PPP2R2A: variants seen among roughly 807,000 people sequenced by gnomAD.
PPP2R2A encodes protein phosphatase 2 regulatory subunit Balpha.
A neutral mutation model predicts 53.2 loss-of-function variants in PPP2R2A; 9 were observed. The ratio of observed to expected loss-of-function variants is 0.17; its 90% CI spans 0.10 to 0.30. The LOEUF (loss-of-function observed/expected upper bound fraction) is 0.30, where lower values mean the gene tolerates loss of function less well. PPP2R2A is among the 10% of genes least tolerant of loss of function. The pLI is 1.00. For synonymous variants in PPP2R2A, 169 were observed against 174.2 expected (o/e 0.97, Z 0.23); for missense variants, 235 against 534.6 (o/e 0.44, Z 5.53).
intron 7 of PPP2R2A, 110 bp from the exon 8 acceptor site, chr8:26,363,611 C>A: frequency 1.1e-6 from 1 of 926,296 alleles, no homozygotes; most frequent in Non-Finnish European, 1.5e-6. Context: ...ATTAGCCTGG[C>A]ATTTTACCTC....
intron 2 of PPP2R2A, among the ~76,000 whole-genome samples, chr8:26,316,615 T>C (rs193277239): frequency 1.3e-5 from 2 of 152,324 alleles, no homozygotes; most frequent in South Asian, 2.1e-4. Flanking sequence ...TAGTACAGAC[T>C]GGGTGGCTTA....
At chr8:26,313,282 G>C (rs746145413) in intron 2 of PPP2R2A, among the ~76,000 whole-genome samples, 5 of 152,070 alleles carry the variant, frequency 3.3e-5, no homozygotes, top group Admixed American at 6.6e-5. Context: ...TGGTTTGCCT[G>C]CCTTGGCCTC....
At chr8:26,306,007 A>G (rs902712903) in intron 2 of PPP2R2A, among the ~76,000 whole-genome samples, 1 of 152,140 alleles carries the variant, frequency 6.6e-6, no homozygotes, top group African/African-American at 2.4e-5. Context: ...ACAAGCTACC[A>G]TACAGAATTA....
In PPP2R2A at chr8:26,358,770, G is replaced by T. The variant is rs1222814228; in HGVS notation, c.347-1399G>T. 1.2e-5 allele frequency: 3 copies of T among 255,444 alleles called. No individual in the cohort carries two copies. The East Asian group carries it at 2.7e-4, about 23-fold the overall frequency. 15.8% of individuals were successfully genotyped at this position (255,444 alleles called of 1,614,324 possible). ...AATTGTAACAGTTTTAAATCAACATGCATGAGCCTATAGTGATACAAATAA... is the reference window on the plus strand; with the variant it reads ...AATTGTAACAGTTTTAAATCAACATTCATGAGCCTATAGTGATACAAATAA... On this transcript the variant is annotated intron_variant, in intron 4 of 9. Coordinates refer to ENST00000380737, the MANE Select transcript of PPP2R2A (RefSeq NM_002717.4).
At chr8:26,367,032 A>G (rs1805411968) in intron 9 of PPP2R2A, among the ~76,000 whole-genome samples, 1 of 152,220 alleles carries the variant, frequency 6.6e-6, no homozygotes, top group African/African-American at 2.4e-5. Context: ...TAGAACAGAA[A>G]GTAGTAAAAC....
At chr8:26,347,308 GC>G (rs1280538969) in intron 3 of PPP2R2A, among the ~76,000 whole-genome samples, 1 of 151,898 alleles carries the variant, frequency 6.6e-6, no homozygotes, top group Non-Finnish European at 1.5e-5. Flanking sequence ...CTTGAGATCT[GC>G]CTCCATTCCT....
In PPP2R2A at chr8:26,338,969, C is replaced by T; in HGVS notation, c.162C>T (p.Ile54=). The change falls in exon 3 of 10, where the codon ATC becomes ATT. Residue 54 remains isoleucine, a synonymous_variant. Transcript: ENST00000380737. The surrounding 1 kb of genome is among the most constrained non-coding windows in gnomAD (Gnocchi z 4.5). The part of the protein sequence containing the change: ...ATGDKGGRVV[I]FQQEQENKIQ... The stretch of plus-strand genomic sequence containing the variant: ...GAGATAAAGGTGGTAGAGTTGTCAT[C>T]TTTCAACAGGAGCAGGAGGTAAGTG... 6.2e-7 allele frequency: 1 copy of T among 1,604,110 alleles called. No individual in the cohort carries two copies. The highest frequency in any genetic ancestry group is 8.5e-7 in the Non-Finnish European group (1 of 1,171,554).
At chr8:26,351,180 C>G (rs910412656) in intron 3 of PPP2R2A, among the ~76,000 whole-genome samples, 5 of 151,628 alleles carry the variant, frequency 3.3e-5, no homozygotes, top group Non-Finnish European at 5.9e-5. Context: ...CTTTTCAACC[C>G]CAAAATCCAG....
chr8:26,332,708 T>C (rs1252110988), intron 2 of PPP2R2A, among the ~76,000 whole-genome samples: 1 of 152,202 alleles, frequency 6.6e-6, no homozygotes, highest in African/African-American at 2.4e-5. Context: ...TGAATAAATA[T>C]TTAAAAGTTG....
intron 2 of PPP2R2A, chr8:26,298,693 T>A (rs1001994458): frequency 2.0e-5 from 3 of 152,208 alleles, no homozygotes; most frequent in Admixed American, 6.5e-5. Context: ...AGAAAGTATG[T>A]GGAATAGTAT....
intron 2 of PPP2R2A, among the ~76,000 whole-genome samples, chr8:26,322,392 A>G (rs1036878673): frequency 6.6e-6 from 1 of 152,240 alleles, no homozygotes; most frequent in African/African-American, 2.4e-5. Flanking sequence ...TGTACTAGAC[A>G]GTGCAGAATA....
In PPP2R2A at chr8:26,362,217, C is replaced by T. The variant is rs927236319; in HGVS notation, c.638-467C>T. ...ATAAAAATATTCTATTGAGGCCGGG[C>T]ACAGTGACTCATGCCTGTAATCCCA... is the stretch of plus-strand genomic sequence containing the variant. On this transcript the variant is annotated intron_variant, in intron 6 of 9. Transcript: ENST00000380737. This position sits in a 1 kb window ranked among gnomAD's most constrained non-coding sequence, Gnocchi z 4.4. 6.6e-6 allele frequency among the ~76,000 whole-genome samples: 1 copy of T among 151,292 alleles called. No individual in the cohort carries two copies. Among genetic ancestry groups the T allele is most frequent in the Non-Finnish European group, 1.5e-5 (1 of 67,832 alleles).
At chr8:26,298,902 T>G (rs1801659306) in intron 2 of PPP2R2A, among the ~76,000 whole-genome samples, 1 of 152,238 alleles carries the variant, frequency 6.6e-6, no homozygotes, top group African/African-American at 2.4e-5. Flanking sequence ...TGATAATGTG[T>G]TTAAATTTTA....
At chr8:26,335,476 A>G (rs1803608074) in intron 2 of PPP2R2A, among the ~76,000 whole-genome samples, 1 of 152,242 alleles carries the variant, frequency 6.6e-6, no homozygotes, top group Non-Finnish European at 1.5e-5. Flanking sequence ...CATTAAATAT[A>G]TGCGGTATAA....
chr8:26,343,223 C>T (rs1051795667), intron 3 of PPP2R2A, among the ~76,000 whole-genome samples: 1 of 151,954 alleles, frequency 6.6e-6, no homozygotes, highest in Non-Finnish European at 1.5e-5. Flanking sequence ...CTATCCTGCT[C>T]CTCAAGATTA....
At chr8:26,344,628 T>C (rs1433409641) in intron 3 of PPP2R2A, among the ~76,000 whole-genome samples, 3 of 152,250 alleles carry the variant, frequency 2.0e-5, no homozygotes, top group Non-Finnish European at 4.4e-5. Flanking sequence ...CCATCTCTTC[T>C]TGTTCAGCCT....
intron 8 of PPP2R2A, chr8:26,366,010 T>G: frequency 4.0e-6 from 1 of 248,628 alleles, no homozygotes; most frequent in Non-Finnish European, 7.6e-6. Context: ...TTTATTAGTC[T>G]CTTAACTGTG....
rs114190533 is a variant in PPP2R2A at position 26,335,902 on chromosome 8, A to G, written c.83-2988A>G. Among the ~76,000 whole-genome samples, 917 of 152,310 alleles carry G rather than the reference A, an allele frequency of 6.0e-3. 11 individuals carry two copies. The highest frequency in any genetic ancestry group is 0.021 in the African/African-American group (859 of 41,546). On this transcript the variant is annotated intron_variant, in intron 2 of 9. Coordinates refer to ENST00000380737, the MANE Select transcript of PPP2R2A (RefSeq NM_002717.4). ...ACGCTAAAAATGTCATCATAAAATAATTGTTCCTGCCATAAGAAGTGATAC... is the reference window on the plus strand; with the variant it reads ...ACGCTAAAAATGTCATCATAAAATAGTTGTTCCTGCCATAAGAAGTGATAC...
intron 2 of PPP2R2A, among the ~76,000 whole-genome samples, chr8:26,325,932 C>A (rs1472517300): frequency 6.6e-6 from 1 of 152,166 alleles, no homozygotes; most frequent in Admixed American, 6.5e-5. Context: ...GCCTACTGGG[C>A]TCAAGCCATC....
Sources: allele counts gnomAD v4.1 joint callset (sites outside exome capture counted in the v4.1 genomes callset), GRCh38; gene constraint gnomAD v4.1.1; non-coding constraint Gnocchi (gnomAD v3.1); transcripts MANE v1.5; gene names NCBI Gene and HGNC (gene_info 2026-07-23, HGNC 2026-07-21).